The following KIAA1217 variants were observed in gnomAD, a reference collection of about 807,000 sequenced individuals.
KIAA1217 encodes KIAA1217, also known as sickle tail protein homolog.
KIAA1217 carries 88 observed loss-of-function variants against 163.9 expected under a neutral mutation model. That is an observed-to-expected ratio of 0.54 (90% CI 0.45 to 0.64). The LOEUF (loss-of-function observed/expected upper bound fraction) is 0.64. KIAA1217 is among the 30% of genes least tolerant of loss of function. KIAA1217 has a pLI of 0.00. For missense variants in KIAA1217, 2,372 were observed against 2,475.0 expected, an observed-to-expected ratio of 0.96 and a Z score of 0.88; for synonymous variants, 903 against 923.1, an observed-to-expected ratio of 0.98 and a Z score of 0.39.
At chr10:24,472,843 G>A (rs976439231) in intron 5 of KIAA1217, among the ~76,000 whole-genome samples, 7 of 152,118 alleles carry the variant, frequency 4.6e-5, no homozygotes, top group Admixed American at 1.3e-4. Context: ...GCTCCAGAGT[G>A]GGATCCATTT....
intron 8 of KIAA1217, among the ~76,000 whole-genome samples, chr10:24,501,084 AAAT>A (rs1230533620): frequency 1.0e-4 from 7 of 67,548 alleles, no homozygotes; most frequent in African/African-American, 4.0e-4. Context: ...AAAAAAATTA[AAAT>A]AAAAAAAAAA....
intron 3 of KIAA1217, among the ~76,000 whole-genome samples, chr10:24,408,488 C>G (rs536958537): frequency 1.3e-5 from 2 of 152,254 alleles, no homozygotes; most frequent in African/African-American, 4.8e-5. Context: ...TGAGTCACAT[C>G]ACACCTTTCC....
intron 11 of KIAA1217, 35 bp downstream of exon 11, chr10:24,520,288 G>T (rs766571700): frequency 3.1e-6 from 5 of 1,611,952 alleles, no homozygotes; most frequent in Non-Finnish European, 4.2e-6. Context: ...AGGAGTCTGA[G>T]CTGTCTTTCC....
intron 2 of KIAA1217, among the ~76,000 whole-genome samples, chr10:24,054,404 G>C (rs551158842): frequency 3.3e-5 from 5 of 152,190 alleles, no homozygotes; most frequent in Non-Finnish European, 7.4e-5. Context: ...GAGGGGGATA[G>C]AAAAGAGAAT....
intron 1 of KIAA1217, among the ~76,000 whole-genome samples, chr10:23,979,437 G>A (rs574485188): frequency 5.9e-5 from 9 of 152,094 alleles, no homozygotes; most frequent in East Asian, 5.8e-4. Flanking sequence ...CGCATTTTTC[G>A]TGTCTCCTTA....
chr10:24,523,790 G>A (rs2071669248), intron 12 of KIAA1217, among the ~76,000 whole-genome samples: 3 of 152,156 alleles, frequency 2.0e-5, no homozygotes, highest in African/African-American at 7.2e-5. Flanking sequence ...ATCATGGGTG[G>A]GGAGGGACAT....
chr10:24,497,152 G>A (rs893168370), intron 8 of KIAA1217, among the ~76,000 whole-genome samples: 1 of 152,192 alleles, frequency 6.6e-6, no homozygotes. Context: ...TACAAGACAA[G>A]TATTATCCCT....
At chr10:24,259,005 C>T (rs959872067) in intron 2 of KIAA1217, among the ~76,000 whole-genome samples, 2 of 151,988 alleles carry the variant, frequency 1.3e-5, no homozygotes, top group African/African-American at 2.4e-5. Flanking sequence ...AGGGGCAGCC[C>T]GTGGAAGACG....
At chr10:24,347,735 C>T (rs990294497) in intron 2 of KIAA1217, among the ~76,000 whole-genome samples, 7 of 152,156 alleles carry the variant, frequency 4.6e-5, no homozygotes, top group Admixed American at 1.3e-4. Flanking sequence ...CAACAAATTC[C>T]ATGCCAGTTT....
At chr10:24,409,892 G>T (rs1280767968) in intron 3 of KIAA1217, among the ~76,000 whole-genome samples, 1 of 151,606 alleles carries the variant, frequency 6.6e-6, no homozygotes, top group African/African-American at 2.4e-5. Context: ...ATAGTATCCA[G>T]TGCCATCCAG....
chr10:24,004,500 A>G (rs1407434196), intron 1 of KIAA1217, among the ~76,000 whole-genome samples: 2 of 152,224 alleles, frequency 1.3e-5, no homozygotes, highest in Non-Finnish European at 2.9e-5. Context: ...ACTATATTCT[A>G]ATATACTTTT....
intron 1 of KIAA1217, among the ~76,000 whole-genome samples, chr10:23,921,120 G>T (rs1332396152): frequency 6.6e-6 from 1 of 152,108 alleles, no homozygotes; most frequent in Non-Finnish European, 1.5e-5. Flanking sequence ...CTAATACACA[G>T]CTTATATTAA....
intron 1 of KIAA1217, chr10:24,007,191 T>TG (rs1193604818): frequency 1.3e-5 from 2 of 151,750 alleles, no homozygotes; most frequent in Non-Finnish European, 2.9e-5. Flanking sequence ...AGTTCTGCAG[T>TG]GGGAACAATT....
chr10:23,704,166 G>GTA (rs1174988449), intron 1 of KIAA1217, among the ~76,000 whole-genome samples: 25 of 71,348 alleles, frequency 3.5e-4, no homozygotes, highest in African/African-American at 1.9e-3. Flanking sequence ...GTGTGTGTGT[G>GTA]TGTGTGTATA....
intron 2 of KIAA1217, among the ~76,000 whole-genome samples, chr10:24,094,894 G>C (rs569422205): frequency 1.3e-5 from 2 of 152,174 alleles, no homozygotes; most frequent in South Asian, 2.1e-4. Context: ...CACCCAGTTC[G>C]AGCTTCCCGG....
chr10:23,772,584 A>T (rs1834845495), intron 1 of KIAA1217, among the ~76,000 whole-genome samples: 1 of 152,316 alleles, frequency 6.6e-6, no homozygotes, highest in South Asian at 2.1e-4. Flanking sequence ...CTCCCAGTTT[A>T]TAAATTCAGA....
chr10:24,348,094 C>T (rs2048016634), intron 2 of KIAA1217, among the ~76,000 whole-genome samples: 2 of 152,152 alleles, frequency 1.3e-5, no homozygotes, highest in Admixed American at 6.5e-5. Context: ...CAGTGGCTCA[C>T]GCCTGTAATC....
intron 1 of KIAA1217, among the ~76,000 whole-genome samples, chr10:23,807,160 C>G (rs536278375): frequency 6.6e-6 from 1 of 152,356 alleles, no homozygotes; most frequent in East Asian, 1.9e-4. Flanking sequence ...TTCATTTCAG[C>G]TGTGTTAGCT....
In KIAA1217 at chr10:24,520,150, G is replaced by A; in HGVS notation, c.2205G>A (p.Leu735=). 1 of 1,613,574 alleles carries A rather than the reference G, an allele frequency of 6.2e-7. No individual in the cohort carries two copies. The highest frequency in any genetic ancestry group is 8.5e-7 in the Non-Finnish European group (1 of 1,179,938). Residue 735 remains leucine, a synonymous_variant, in exon 11 of 21, where the codon TTG becomes TTA. Coordinates refer to ENST00000376454, the MANE Select transcript of KIAA1217 (RefSeq NM_019590.5). ...LCELEDFVED[L]KKDSTAASRL... is the part of the protein sequence containing the mutation. ...AGTTGGAAGACTTTGTTGAAGACTT[G>A]AAGAAGGACTCCACGGCAGCCAGCC...
Sources: gnomAD v4.1 joint callset for allele counts (sites outside exome capture counted in the v4.1 genomes callset) on GRCh38, gnomAD v4.1.1 for gene constraint, MANE v1.5 for transcripts, NCBI Gene and HGNC (gene_info 2026-07-23, HGNC 2026-07-21) for gene names.